The following NELL2 variants were observed in gnomAD, a reference collection of about 807,000 sequenced individuals.
NELL2 encodes protein kinase C-binding protein NELL2.
In NELL2, 41 loss-of-function variants were observed where a neutral mutation model predicts 109.6. The ratio of observed to expected loss-of-function variants is 0.37; its 90% CI spans 0.29 to 0.49. NELL2 has a LOEUF of 0.49. Ranked by LOEUF, NELL2 falls within the 20% of genes least tolerant of loss-of-function variation. NELL2 has a pLI of 0.98. For synonymous variants in NELL2, 355 were observed against 344.7 expected (o/e 1.03, Z -0.33); for missense variants, 900 against 1,008.3 (o/e 0.89, Z 1.45).
Position 44,574,437 on chromosome 12 carries a change from T to TAATA in NELL2, c.1663+32731_1663+32732insTATT, listed in dbSNP as rs1366750195. 2.0e-4 allele frequency among the ~76,000 whole-genome samples: 31 copies of TAATA among 152,310 alleles called. No individual in the cohort carries two copies. In the East Asian group the frequency reaches 5.4e-3, roughly 27 times the overall value. ...GACATCAAGGACTTTATTAATATTG[T>TAATA]CTTAAATTTAAAAATGCAGTGAAAA... On this transcript the variant is annotated intron_variant, in intron 15 of 19. Coordinates refer to ENST00000429094, the MANE Select transcript of NELL2 (RefSeq NM_001145108.2).
intron 19 of NELL2, among the ~76,000 whole-genome samples, chr12:44,515,913 GT>G (rs1941238341): frequency 6.6e-6 from 1 of 151,772 alleles, no homozygotes; most frequent in African/African-American, 2.4e-5. Context: ...ATTTCAATAT[GT>G]TTTAATAGAG....
rs1459694290 is a variant in NELL2, at chr12:44,714,702, T to C, written c.1034A>G (p.Glu345Gly). 6.2e-7 allele frequency: 1 copy of C among 1,603,736 alleles called. No homozygotes were observed. The highest frequency in any genetic ancestry group is 1.1e-5 in the South Asian group (1 of 89,108). ...AGAAGAGGAATAGACTGTATTTCTT[T>C]CTCCTTCAAAGTAGGTTCGTCCTTG... ...QFQGRTYFEG[E>G]RNTVYSSSGV... The change falls in exon 10 of 20, where the codon GAA becomes GGA. Residue 345 changes from glutamate (E) to glycine (G), a missense_variant. Glu to Gly is a moderately conservative substitution (Grantham distance 98). Coordinates refer to ENST00000429094, the MANE Select transcript of NELL2 (RefSeq NM_001145108.2).
chr12:44,821,846 T>G (rs1193493005), intron 2 of NELL2, among the ~76,000 whole-genome samples: 2 of 152,052 alleles, frequency 1.3e-5, no homozygotes, highest in African/African-American at 4.8e-5. Context: ...ATCTCCCAAG[T>G]AGCTGGAACT....
chr12:44,665,751 A>C (rs1259917473), intron 12 of NELL2, 142 bp from the exon 13 acceptor site: 1 of 970,912 alleles, frequency 1.0e-6, no homozygotes, highest in Admixed American at 3.1e-5. Flanking sequence ...CTTTGCTAGG[A>C]GTGTTTAATG....
chr12:44,578,502 A>G (rs187420851), intron 15 of NELL2, among the ~76,000 whole-genome samples: 2 of 152,260 alleles, frequency 1.3e-5, no homozygotes. Context: ...AAGCAATGAG[A>G]GTACCACAAT....
At chr12:44,627,128 A>G (rs998503411) in intron 13 of NELL2, among the ~76,000 whole-genome samples, 22 of 152,164 alleles carry the variant, frequency 1.4e-4, no homozygotes, top group African/African-American at 5.1e-4. Flanking sequence ...GCTGCTGACA[A>G]TACAGTCTCC....
At chr12:44,683,616 G>T (rs915083331) in intron 12 of NELL2, among the ~76,000 whole-genome samples, 1 of 151,934 alleles carries the variant, frequency 6.6e-6, no homozygotes. Flanking sequence ...TTTATTGAGA[G>T]TTTTTAGCAT....
At chr12:44,602,520 A>G (rs1237106127) in intron 15 of NELL2, among the ~76,000 whole-genome samples, 1 of 152,200 alleles carries the variant, frequency 6.6e-6, no homozygotes, top group African/African-American at 2.4e-5. Flanking sequence ...AATAAAACTA[A>G]AAAATTCTTA....
At chr12:44,613,020 T>A (rs950295926) in intron 13 of NELL2, among the ~76,000 whole-genome samples, 6 of 152,070 alleles carry the variant, frequency 3.9e-5, no homozygotes, top group African/African-American at 1.4e-4. Flanking sequence ...AATACAGTTC[T>A]GAAGGCTTTA....
intron 13 of NELL2, among the ~76,000 whole-genome samples, chr12:44,621,882 A>G (rs1946073454): frequency 6.6e-6 from 1 of 152,094 alleles, no homozygotes; most frequent in Non-Finnish European, 1.5e-5. Context: ...CAAATGTGGT[A>G]ACGTCTGGAA....
intron 3 of NELL2, among the ~76,000 whole-genome samples, chr12:44,783,178 T>C (rs1020848474): frequency 2.6e-5 from 4 of 151,294 alleles, no homozygotes; most frequent in East Asian, 3.9e-4. Flanking sequence ...TAAAAATACA[T>C]AAAATAAATT....
chr12:44,691,786 C>A (rs1948906710), intron 12 of NELL2, among the ~76,000 whole-genome samples: 1 of 152,148 alleles, frequency 6.6e-6, no homozygotes, highest in South Asian at 2.1e-4. Context: ...TTCCCTTGAG[C>A]CAAAGCCTAA....
At position 44,875,856 on chromosome 12, in the gene NELL2, A is replaced by C. The variant is rs1379822346; in HGVS notation, c.14T>G (p.Val5Gly). 2.5e-6 allele frequency: 4 copies of C among 1,613,858 alleles called. No individual in the cohort carries two copies. Among genetic ancestry groups the C allele is most frequent in the Non-Finnish European group, 3.4e-6 (4 of 1,180,020 alleles). ...GATCAAACAGAATGTTCTCAGTAAGACCCGAGACTCCATGGTGCGGATCAG... is the reference window on the plus strand; with the variant it reads ...GATCAAACAGAATGTTCTCAGTAAGCCCCGAGACTCCATGGTGCGGATCAG... MESR[V>G]LLRTFCLIFG... Residue 5 changes from valine to glycine, a missense_variant, in exon 1 of 20, where the codon GTC (valine) becomes GGC (glycine). Transcript: ENST00000429094.
At chr12:44,642,665 T>C (rs1946905892) in intron 13 of NELL2, among the ~76,000 whole-genome samples, 1 of 152,122 alleles carries the variant, frequency 6.6e-6, no homozygotes, top group African/African-American at 2.4e-5. Context: ...GCGGATCACC[T>C]AAGGTCAGGA....
intron 13 of NELL2, among the ~76,000 whole-genome samples, chr12:44,640,116 C>T (rs186883706): frequency 3.3e-5 from 5 of 152,210 alleles, no homozygotes; most frequent in Admixed American, 2.6e-4. Flanking sequence ...CCACTAAAGG[C>T]TAATGCTCAG....
At chr12:44,791,098 T>TATATATATATATATAC (rs1807744529) in intron 3 of NELL2, among the ~76,000 whole-genome samples, 2 of 16,338 alleles carry the variant, frequency 1.2e-4, no homozygotes, top group African/African-American at 4.2e-4. Context: ...TATATATATG[T>TATATATATATATATAC]ATATATATAT....
intron 9 of NELL2, among the ~76,000 whole-genome samples, chr12:44,773,621 T>C (rs1941636686): frequency 6.6e-6 from 1 of 152,192 alleles, no homozygotes; most frequent in Admixed American, 6.5e-5. Context: ...ACAAGCCTCC[T>C]TTTATTAAGA....
intron 12 of NELL2, among the ~76,000 whole-genome samples, chr12:44,669,173 T>C (rs1254446737): frequency 1.3e-5 from 2 of 152,176 alleles, no homozygotes; most frequent in Non-Finnish European, 2.9e-5. Flanking sequence ...GACTACAATA[T>C]TGTGCCTACC....
chr12:44,798,896 T>C (rs926614370), intron 3 of NELL2, among the ~76,000 whole-genome samples: 1 of 148,698 alleles, frequency 6.7e-6, no homozygotes, highest in African/African-American at 2.5e-5. Flanking sequence ...CTGTGAGGGA[T>C]CAGTTGGCTA....
Sources: gnomAD v4.1 joint callset for allele counts (sites outside exome capture counted in the v4.1 genomes callset) on GRCh38, gnomAD v4.1.1 for gene constraint, MANE v1.5 for transcripts, NCBI Gene and HGNC (gene_info 2026-07-23, HGNC 2026-07-21) for gene names.